RBMS3: variants seen among roughly 807,000 people sequenced by gnomAD.
The protein encoded by RBMS3 is RNA-binding motif, single-stranded-interacting protein 3.
Under a neutral mutation model 66.8 loss-of-function variants are expected in RBMS3, and 27 were observed. The ratio of observed to expected loss-of-function variants is 0.40; its 90% confidence interval spans 0.30 to 0.56. RBMS3 has a LOEUF of 0.56. Ranked by LOEUF, RBMS3 falls within the 20% of genes least tolerant of loss-of-function variation. The pLI, the probability that RBMS3 is intolerant of heterozygous loss-of-function variation, is 0.40. For missense variants in RBMS3, 513 were observed against 549.5 expected (o/e 0.93, Z 0.66); for synonymous variants, 188 against 183.0 (o/e 1.03, Z -0.22).
At chr3:29,607,209 T>G (rs771030256) in intron 4 of RBMS3, among the ~76,000 whole-genome samples, 6 of 152,026 alleles carry the variant, frequency 3.9e-5, no homozygotes, top group Non-Finnish European at 8.8e-5. Flanking sequence ...CTATTAAATA[T>G]TTTATTTAAA....
intron 10 of RBMS3, among the ~76,000 whole-genome samples, chr3:29,930,590 C>T (rs555550487): frequency 1.3e-5 from 2 of 152,184 alleles, no homozygotes; most frequent in Non-Finnish European, 2.9e-5. Context: ...TGTATAGCAA[C>T]ATCAATAACC....
intron 2 of RBMS3, among the ~76,000 whole-genome samples, chr3:29,474,299 G>A (rs1191439330): frequency 2.6e-5 from 4 of 152,196 alleles, no homozygotes; most frequent in Admixed American, 6.5e-5. Flanking sequence ...TCCATTGTTT[G>A]AATAAACCTA....
At chr3:29,676,560 A>G (rs923681362) in intron 4 of RBMS3, among the ~76,000 whole-genome samples, 1 of 152,218 alleles carries the variant, frequency 6.6e-6, no homozygotes, top group Admixed American at 6.5e-5. Flanking sequence ...TTAAACAACC[A>G]TCATAACCAA....
chr3:29,434,454 G>T (rs751892708), intron 1 of RBMS3, among the ~76,000 whole-genome samples: 2 of 152,144 alleles, frequency 1.3e-5, no homozygotes, highest in Non-Finnish European at 2.9e-5. Context: ...CCAATCTAAG[G>T]AGAGTCACTA....
intron 10 of RBMS3, among the ~76,000 whole-genome samples, chr3:29,907,606 T>C (rs1399736574): frequency 6.6e-6 from 1 of 152,106 alleles, no homozygotes; most frequent in East Asian, 1.9e-4. Context: ...GGTTATGATA[T>C]ATCCCTGTTA....
chr3:29,295,296 C>CAT (rs2033159341), intron 1 of RBMS3, among the ~76,000 whole-genome samples: 1 of 4,438 alleles, frequency 2.3e-4, no homozygotes, highest in Non-Finnish European at 7.7e-4. Context: ...TATATATATA[C>CAT]ATATATATCT....
intron 1 of RBMS3, among the ~76,000 whole-genome samples, chr3:29,402,889 TAACTC>T (rs1291533000): frequency 2.6e-5 from 4 of 151,876 alleles, no homozygotes; most frequent in South Asian, 2.1e-4. Context: ...GGACACAAAA[TAACTC>T]AGCAGTTCTA....
intron 4 of RBMS3, among the ~76,000 whole-genome samples, chr3:29,607,549 A>G (rs1377383472): frequency 1.3e-5 from 2 of 152,002 alleles, no homozygotes; most frequent in Admixed American, 1.3e-4. Flanking sequence ...TTTTGGAGTT[A>G]CTATTTCAAA....
At chr3:29,462,280 C>T (rs964810577) in intron 2 of RBMS3, among the ~76,000 whole-genome samples, 3 of 152,208 alleles carry the variant, frequency 2.0e-5, no homozygotes, top group Admixed American at 2.0e-4. Context: ...CTTCAGGCTG[C>T]ATGCCCCCTT....
intron 6 of RBMS3, among the ~76,000 whole-genome samples, chr3:29,774,237 TA>T (rs763691008): frequency 1.3e-5 from 2 of 152,004 alleles, no homozygotes; most frequent in Admixed American, 6.6e-5. Flanking sequence ...ATAGACATAC[TA>T]GACACTCTAA....
chr3:29,406,494 G>A (rs972011829), intron 1 of RBMS3, among the ~76,000 whole-genome samples: 6 of 152,242 alleles, frequency 3.9e-5, no homozygotes, highest in Admixed American at 3.9e-4. Context: ...TGGCTGAAAG[G>A]TGGTCTGGCT....
chr3:29,748,910 T>A (rs1576689094), intron 5 of RBMS3, among the ~76,000 whole-genome samples: 1 of 152,194 alleles, frequency 6.6e-6, no homozygotes, highest in Non-Finnish European at 1.5e-5. Flanking sequence ...TAAGAAATTT[T>A]AAGTGTGCCT....
chr3:29,337,991 C>T (rs2036053274), intron 1 of RBMS3, among the ~76,000 whole-genome samples: 1 of 152,116 alleles, frequency 6.6e-6, no homozygotes. Flanking sequence ...GGAAGGGACT[C>T]ATCTATTTTG....
intron 1 of RBMS3, among the ~76,000 whole-genome samples, chr3:29,433,114 GTT>G (rs11335040): frequency 1.4e-5 from 2 of 147,862 alleles, no homozygotes; most frequent in South Asian, 2.1e-4. Flanking sequence ...GTTTCTTGAG[GTT>G]TTTTTTTTTA....
chr3:29,812,585 G>T (rs1012676845), intron 6 of RBMS3, among the ~76,000 whole-genome samples: 5 of 152,156 alleles, frequency 3.3e-5, no homozygotes, highest in African/African-American at 7.2e-5. Context: ...TGCTGTGTTG[G>T]GATCCAGTCT....
intron 6 of RBMS3, among the ~76,000 whole-genome samples, chr3:29,776,568 T>C (rs987504190): frequency 2.6e-5 from 4 of 151,980 alleles, no homozygotes; most frequent in African/African-American, 9.7e-5. Flanking sequence ...TTTACAAGTG[T>C]TTCTAGAATT....
chr3:29,823,788 G>A (rs1255880867), intron 6 of RBMS3, among the ~76,000 whole-genome samples: 1 of 152,134 alleles, frequency 6.6e-6, no homozygotes, highest in African/African-American at 2.4e-5. Context: ...TATTTTACAT[G>A]TAGGAATGAA....
chr3:29,369,364 G>C (rs2038069901), intron 1 of RBMS3, among the ~76,000 whole-genome samples: 1 of 151,664 alleles, frequency 6.6e-6, no homozygotes, highest in African/African-American at 2.4e-5. Flanking sequence ...AAAAGCAATT[G>C]TGTTTTTTGC....
intron 1 of RBMS3, among the ~76,000 whole-genome samples, chr3:29,375,261 G>T (rs577609242): frequency 2.0e-5 from 3 of 152,240 alleles, no homozygotes; most frequent in South Asian, 4.1e-4. Context: ...AATCCTAGAA[G>T]AAAATCTAGG....
Sources: allele counts gnomAD v4.1 joint callset (sites outside exome capture counted in the v4.1 genomes callset), GRCh38; gene constraint gnomAD v4.1.1; transcripts MANE v1.5; gene names NCBI Gene and HGNC (gene_info 2026-07-23, HGNC 2026-07-21).